SKIC2: variants seen among roughly 807,000 people sequenced by gnomAD.
The protein encoded by SKIC2 is SKI2 subunit of superkiller complex, also known as superkiller complex protein 2.
the SKIC2 span, chr6:31,968,801 G>GTGGGGCAGTGGT: frequency 4.3e-6 from 7 of 1,610,260 alleles, no homozygotes; most frequent in Non-Finnish European, 5.9e-6. The surrounding 1 kb of genome is among the most constrained non-coding windows in gnomAD (Gnocchi z 6.1). Context: ...GTAGAGGTGG[G>GTGGGGCAGTGGT]TGGGGCAGTG....
At chr6:31,962,921 C>A in the SKIC2 span, 3 of 1,385,174 alleles carry the variant, frequency 2.2e-6, no homozygotes, top group South Asian at 1.2e-5. The surrounding 1 kb of genome is among the most constrained non-coding windows in gnomAD (Gnocchi z 5.0). Flanking sequence ...GAATCCTGTG[C>A]CTCTTTATGG....
At chr6:31,961,789 T>TACTCAGTCCCAGCCTCGGC in the SKIC2 span, 1 of 1,546,882 alleles carries the variant, frequency 6.5e-7, no homozygotes, top group East Asian at 2.3e-5. Context: ...CCAGTCTTGG[T>TACTCAGTCCCAGCCTCGGC]ACTCAGTCCC....
At chr6:31,967,617 G>A in the SKIC2 span, 1 of 1,394,538 alleles carries the variant, frequency 7.2e-7, no homozygotes, top group Non-Finnish European at 1.0e-6. This position sits in a 1 kb window ranked among gnomAD's most constrained non-coding sequence, Gnocchi z 4.9. Context: ...GCTCTGCATG[G>A]TTGCTTCCTG....
chr6:31,968,341 C>T, the SKIC2 span: 1 of 1,612,772 alleles, frequency 6.2e-7, no homozygotes, highest in Non-Finnish European at 8.5e-7. This position sits in a 1 kb window ranked among gnomAD's most constrained non-coding sequence, Gnocchi z 6.1. Context: ...GGATCCTCCC[C>T]TTGCAGCCGT....
chr6:31,968,724 G>A, the SKIC2 span: 2 of 1,612,970 alleles, frequency 1.2e-6, no homozygotes, highest in Non-Finnish European at 1.7e-6. The surrounding 1 kb of genome is among the most constrained non-coding windows in gnomAD (Gnocchi z 6.1). Flanking sequence ...TACAGAAGGA[G>A]ATGGAGCGGC....
chr6:31,961,866 C>T, the SKIC2 span: 1 of 1,608,086 alleles, frequency 6.2e-7, no homozygotes, highest in African/African-American at 1.3e-5. Flanking sequence ...GCAGCAAGGC[C>T]CCGCTCCTTT....
chr6:31,969,678 G>A, the SKIC2 span: 49 of 1,606,120 alleles, frequency 3.1e-5, no homozygotes, highest in Admixed American at 2.7e-4. This position sits in a 1 kb window ranked among gnomAD's most constrained non-coding sequence, Gnocchi z 6.1. Context: ...TTGCTACGGC[G>A]GGACATCGTA....
the SKIC2 span, chr6:31,963,429 C>T: frequency 1.3e-6 from 2 of 1,586,070 alleles, no homozygotes; most frequent in East Asian, 4.5e-5. The surrounding 1 kb of genome is among the most constrained non-coding windows in gnomAD (Gnocchi z 5.3). Flanking sequence ...GAAGCGTCGT[C>T]AGATCTATGT....
At chr6:31,967,063 C>A in the SKIC2 span, 1 of 1,612,982 alleles carries the variant, frequency 6.2e-7, no homozygotes, top group Non-Finnish European at 8.5e-7. The surrounding 1 kb of genome is among the most constrained non-coding windows in gnomAD (Gnocchi z 4.9). Context: ...AGGAGCCTGA[C>A]ATGACTGGCC....
chr6:31,960,270 C>T, the SKIC2 span: 2 of 1,613,196 alleles, frequency 1.2e-6, no homozygotes, highest in African/African-American at 1.3e-5. Context: ...GTCCTGGGAG[C>T]CCCAGTCCCA....
chr6:31,962,068 T>A, the SKIC2 span: 1 of 1,611,222 alleles, frequency 6.2e-7, no homozygotes, highest in Non-Finnish European at 8.5e-7. The surrounding 1 kb of genome is among the most constrained non-coding windows in gnomAD (Gnocchi z 5.0). Context: ...TGAGTTCCTT[T>A]GCCAACCTCC....
the SKIC2 span, chr6:31,966,005 A>G: frequency 9.4e-6 from 15 of 1,590,420 alleles, no homozygotes; most frequent in Non-Finnish European, 1.1e-5. This position sits in a 1 kb window ranked among gnomAD's most constrained non-coding sequence, Gnocchi z 5.9. Context: ...CCTGCACCGC[A>G]TGATGATGGT....
the SKIC2 span, chr6:31,962,188 A>G: frequency 2.0e-6 from 2 of 986,266 alleles, no homozygotes; most frequent in African/African-American, 1.6e-5. This position sits in a 1 kb window ranked among gnomAD's most constrained non-coding sequence, Gnocchi z 5.0. Flanking sequence ...AGACTGAGAC[A>G]AGAGCCCAGA....
the SKIC2 span, chr6:31,968,669 CG>C: frequency 6.2e-7 from 1 of 1,601,552 alleles, no homozygotes; most frequent in Non-Finnish European, 8.6e-7. The surrounding 1 kb of genome is among the most constrained non-coding windows in gnomAD (Gnocchi z 6.1). Flanking sequence ...AGAAGGCTGA[CG>C]GGTGGCTCTC....
chr6:31,959,805 C>G, the SKIC2 span: 1 of 578,506 alleles, frequency 1.7e-6, no homozygotes, highest in Admixed American at 3.2e-5. Flanking sequence ...TAAAAATGCA[C>G]ATTCCTAGGT....
At chr6:31,964,296 T>C in the SKIC2 span, 1 of 1,613,072 alleles carries the variant, frequency 6.2e-7, no homozygotes, top group Non-Finnish European at 8.5e-7. The surrounding 1 kb of genome is among the most constrained non-coding windows in gnomAD (Gnocchi z 5.0). Context: ...ATCCTGCCCA[T>C]CCTCAAGGAG....
At chr6:31,966,180 C>T in the SKIC2 span, among the ~76,000 whole-genome samples, 2 of 152,196 alleles carry the variant, frequency 1.3e-5, no homozygotes, top group African/African-American at 4.8e-5. The surrounding 1 kb of genome is among the most constrained non-coding windows in gnomAD (Gnocchi z 5.9). Context: ...ACCGCAACCT[C>T]TGCCTTCCAG....
chr6:31,960,399 C>G, the SKIC2 span: 4 of 1,597,340 alleles, frequency 2.5e-6, no homozygotes, highest in African/African-American at 5.4e-5. Context: ...GAGACAAGCT[C>G]AGCCTCATTG....
At chr6:31,967,376 A>G in the SKIC2 span, 4 of 1,607,724 alleles carry the variant, frequency 2.5e-6, no homozygotes, top group East Asian at 4.5e-5. The surrounding 1 kb of genome is among the most constrained non-coding windows in gnomAD (Gnocchi z 4.9). Flanking sequence ...GTGATCCTAC[A>G]GGTGAGGGTG....
Sources: gnomAD v4.1 joint callset for allele counts (sites outside exome capture counted in the v4.1 genomes callset) on GRCh38, gnomAD v4.1.1 for gene constraint, Gnocchi (gnomAD v3.1) non-coding constraint, MANE v1.5 for transcripts, NCBI Gene and HGNC (gene_info 2026-07-23, HGNC 2026-07-21) for gene names.